Variants in PTPRT observed in about 807,000 individuals in gnomAD.
PTPRT encodes protein tyrosine phosphatase receptor type T.
Under a neutral mutation model 176.8 loss-of-function variants are expected in PTPRT, and 56 were observed. That is an observed-to-expected ratio of 0.32 (90% confidence interval 0.26 to 0.40). The LOEUF is 0.40. Among genes scored for constraint, PTPRT ranks in the 10% least tolerant of loss-of-function variants. The pLI is 1.00. For synonymous variants in PTPRT, 783 were observed against 739.0 expected (o/e 1.06, Z -0.96); for missense variants, 1,540 against 1,908.2 (o/e 0.81, Z 3.60).
chr20:42,921,735 G>T (rs1979157966), intron 1 of PTPRT, among the ~76,000 whole-genome samples: 2 of 152,178 alleles, frequency 1.3e-5, no homozygotes, highest in Admixed American at 1.3e-4. Context: ...TCAGAACACT[G>T]CACCTTCACT....
chr20:42,399,245 T>C (rs578049129), intron 9 of PTPRT, among the ~76,000 whole-genome samples: 20 of 152,346 alleles, frequency 1.3e-4, no homozygotes, highest in African/African-American at 4.6e-4. Flanking sequence ...GGCATGGGCA[T>C]AGGGATGTAT....
intron 7 of PTPRT, among the ~76,000 whole-genome samples, chr20:42,612,955 T>C (rs1199818536): frequency 1.3e-5 from 2 of 152,152 alleles, no homozygotes; most frequent in Admixed American, 6.5e-5. Flanking sequence ...TTAGTAAATG[T>C]ATGTATGTAT....
At position 42,476,973 on chromosome 20, in the gene PTPRT, T is replaced by C. The variant is rs62204924; in HGVS notation, c.1154-4411A>G. On this transcript the variant is annotated intron_variant, in intron 7 of 30. Transcript: ENST00000373187. ...GGGTCTGGGATAAGAATACACATTT[T>C]AGTCTGTAGCCCCTTCCCCCTTCTC... 7.9e-3 allele frequency among the ~76,000 whole-genome samples: 1,207 copies of C among 152,326 alleles called. 11 individuals carry two copies. The highest frequency in any genetic ancestry group is 0.014 in the Middle Eastern group (4 of 294).
At chr20:42,184,535 C>CTTTTCTTCTTCTTCT (rs1568652084) in intron 16 of PTPRT, among the ~76,000 whole-genome samples, 1 of 36,616 alleles carries the variant, frequency 2.7e-5, no homozygotes, top group African/African-American at 1.3e-4. Flanking sequence ...CTTCTTCTTC[C>CTTTTCTTCTTCTTCT]TCTTCCTCTT....
At chr20:42,126,599 C>G (rs1258507946) in intron 19 of PTPRT, among the ~76,000 whole-genome samples, 3 of 152,220 alleles carry the variant, frequency 2.0e-5, no homozygotes, top group Non-Finnish European at 2.9e-5. Flanking sequence ...AGGGAGCCTT[C>G]ACTGGCTACT....
chr20:42,842,619 C>A (rs959208048), intron 2 of PTPRT, among the ~76,000 whole-genome samples: 3 of 152,166 alleles, frequency 2.0e-5, no homozygotes, highest in Admixed American at 6.5e-5. Flanking sequence ...GGGGTTTCAC[C>A]ATGTTGGCTA....
intron 15 of PTPRT, 115 bp from the exon 16 acceptor site, chr20:42,199,503 T>C: frequency 8.2e-7 from 1 of 1,219,944 alleles, no homozygotes. Flanking sequence ...TCTGGTTCAT[T>C]CTCCAGAAAA....
chr20:43,136,607 TAC>T (rs2013840865), intron 1 of PTPRT, among the ~76,000 whole-genome samples: 1 of 152,122 alleles, frequency 6.6e-6, no homozygotes, highest in African/African-American at 2.4e-5. Flanking sequence ...ACCCCCATAC[TAC>T]ACACATGCAC....
At chr20:42,215,067 A>G (rs1156871371) in intron 15 of PTPRT, among the ~76,000 whole-genome samples, 2 of 152,264 alleles carry the variant, frequency 1.3e-5, no homozygotes, top group African/African-American at 4.8e-5. Context: ...AATAAGCTCT[A>G]CATAAGCATT....
In PTPRT at chr20:42,080,828, G is replaced by T. The variant is rs1224628833; in HGVS notation, c.*51C>A. On this transcript the variant is annotated 3_prime_UTR_variant, in exon 31 of 31. Transcript: ENST00000373187. ...AGTTACTGCCATTCACACAAAAGGG[G>T]GCTTGGTCACAGCAGCCTCTGGACT... 6.5e-7 allele frequency: 1 copy of T among 1,548,736 alleles called. No homozygotes were observed. Among genetic ancestry groups the T allele is most frequent in the South Asian group, 1.1e-5 (1 of 89,588 alleles).
At chr20:42,811,942 C>A (rs1339881420) in intron 2 of PTPRT, among the ~76,000 whole-genome samples, 1 of 152,140 alleles carries the variant, frequency 6.6e-6, no homozygotes, top group African/African-American at 2.4e-5. Context: ...CTCTTGACAA[C>A]CATGACTTGT....
intron 1 of PTPRT, among the ~76,000 whole-genome samples, chr20:43,026,412 C>T (rs1985915807): frequency 6.6e-6 from 1 of 152,006 alleles, no homozygotes; most frequent in Non-Finnish European, 1.5e-5. Context: ...CACCGAAGCC[C>T]AGCCTAGAGA....
intron 12 of PTPRT, among the ~76,000 whole-genome samples, chr20:42,311,143 C>G (rs1252078505): frequency 6.6e-6 from 1 of 152,138 alleles, no homozygotes; most frequent in Non-Finnish European, 1.5e-5. Flanking sequence ...TTTTTGTTCT[C>G]TCCCCCACTA....
intron 9 of PTPRT, among the ~76,000 whole-genome samples, chr20:42,442,062 G>C (rs994426783): frequency 3.3e-5 from 5 of 152,212 alleles, no homozygotes; most frequent in Non-Finnish European, 5.9e-5. Flanking sequence ...TGAGCCCTGA[G>C]TGGTCAGTGC....
chr20:42,108,761 C>G (rs1600528212), intron 23 of PTPRT, among the ~76,000 whole-genome samples: 1 of 152,094 alleles, frequency 6.6e-6, no homozygotes, highest in Non-Finnish European at 1.5e-5. Flanking sequence ...AGAGTGCTTA[C>G]TATATGTCAG....
chr20:42,911,622 A>C (rs1044170806), intron 1 of PTPRT, among the ~76,000 whole-genome samples: 3 of 152,154 alleles, frequency 2.0e-5, no homozygotes, highest in Non-Finnish European at 4.4e-5. Context: ...ATCTGTATGC[A>C]TGCATATGTC....
At chr20:42,512,776 G>A (rs2071981894) in intron 7 of PTPRT, among the ~76,000 whole-genome samples, 1 of 151,996 alleles carries the variant, frequency 6.6e-6, no homozygotes, top group Admixed American at 6.6e-5. Context: ...TTTTGGATGT[G>A]TCAGTTTAGT....
intron 2 of PTPRT, among the ~76,000 whole-genome samples, chr20:42,871,942 G>A (rs915279493): frequency 2.0e-5 from 3 of 152,188 alleles, no homozygotes; most frequent in African/African-American, 7.2e-5. Context: ...GATCTTGGAA[G>A]CTATAGGTCT....
chr20:43,053,169 T>G (rs997614207), intron 1 of PTPRT, among the ~76,000 whole-genome samples: 5 of 152,212 alleles, frequency 3.3e-5, no homozygotes, highest in African/African-American at 1.2e-4. Context: ...TCCATTTATA[T>G]GTATTCCCTT....
Sources: allele counts gnomAD v4.1 joint callset (sites outside exome capture counted in the v4.1 genomes callset), GRCh38; gene constraint gnomAD v4.1.1; transcripts MANE v1.5; gene names NCBI Gene and HGNC (gene_info 2026-07-23, HGNC 2026-07-21).